Variants in CDH22 observed in about 807,000 individuals in gnomAD.
The protein encoded by CDH22 is cadherin 22.
CDH22 carries 30 observed loss-of-function variants against 58.4 expected under a neutral mutation model. The observed-to-expected ratio is 0.51, with a 90% CI of 0.38 to 0.70. CDH22 has a LOEUF of 0.70. Ranked by LOEUF, CDH22 falls within the 30% of genes least tolerant of loss-of-function variation. The probability of loss-of-function intolerance (pLI) is 0.00; values close to 1 mark genes in which losing one functional copy is unlikely to be tolerated. For missense variants in CDH22, 1,014 were observed against 1,233.9 expected, an observed-to-expected ratio of 0.82 and a Z score of 2.67; for synonymous variants, 513 against 558.2, an observed-to-expected ratio of 0.92 and a Z score of 1.14.
chr20:46,267,869 G>A (rs1274885485), intron 1 of CDH22, among the ~76,000 whole-genome samples: 1 of 152,260 alleles, frequency 6.6e-6, no homozygotes, highest in Non-Finnish European at 1.5e-5. Flanking sequence ...GCCTGCGGGA[G>A]GTTCACTGGG....
At chr20:46,244,627 G>T (rs185997161) in intron 2 of CDH22, among the ~76,000 whole-genome samples, 1 of 152,160 alleles carries the variant, frequency 6.6e-6, no homozygotes, top group Non-Finnish European at 1.5e-5. Context: ...GATGGCCCCC[G>T]GTCTGTTTGA....
intron 1 of CDH22, among the ~76,000 whole-genome samples, chr20:46,291,091 A>T (rs2145776581): frequency 6.6e-6 from 1 of 152,308 alleles, no homozygotes; most frequent in Middle Eastern, 3.4e-3. Flanking sequence ...AGCCTGGCCA[A>T]CATGGCGAAA....
intron 3 of CDH22, among the ~76,000 whole-genome samples, chr20:46,235,743 G>A (rs1006394415): frequency 6.6e-6 from 1 of 152,092 alleles, no homozygotes; most frequent in Non-Finnish European, 1.5e-5. Context: ...ATTCCATCTT[G>A]TCTCACCATC....
At chr20:46,307,776 G>A (rs1254281227) in intron 1 of CDH22, among the ~76,000 whole-genome samples, 3 of 152,116 alleles carry the variant, frequency 2.0e-5, no homozygotes, top group Admixed American at 1.3e-4. Flanking sequence ...TCCCGGCCCC[G>A]GACCCCGCCT....
rs560664737 is a variant in CDH22 at position 46,224,068 on chromosome 20, G to T, written c.670+3440C>A. Among the ~76,000 whole-genome samples, 6 of 152,212 alleles carry T rather than the reference G, an allele frequency of 3.9e-5. No homozygotes were observed. The East Asian group carries it at 1.2e-3, about 29-fold the overall frequency. ...GGGTTTCACCATGTTGGCCAGGCTG[G>T]TGTCAAACTCCTGGCCTCAAGTGAT... On this transcript the variant is annotated intron_variant, in intron 4 of 11. Coordinates refer to ENST00000537909, the MANE Select transcript of CDH22 (RefSeq NM_021248.3).
chr20:46,178,267 T>C, intron 10 of CDH22, 70 bp from the exon 11 acceptor site: 1 of 1,540,752 alleles, frequency 6.5e-7, no homozygotes, highest in Non-Finnish European at 8.8e-7. Flanking sequence ...AGCCACCTCC[T>C]GATTGCATCG....
chr20:46,248,902 A>G (rs1300882473), intron 2 of CDH22, among the ~76,000 whole-genome samples: 1 of 152,202 alleles, frequency 6.6e-6, no homozygotes, highest in Non-Finnish European at 1.5e-5. Context: ...CGCCCACTCT[A>G]TGACTTTGCC....
rs780843519 is a variant in CDH22, at chr20:46,178,142, G to A, written c.1719C>T (p.Asp573=). The change falls in exon 11 of 12, where the codon GAC becomes GAT. Residue 573 remains aspartate (D), a synonymous_variant. Coordinates refer to ENST00000537909, the MANE Select transcript of CDH22 (RefSeq NM_021248.3). ...CCACCAGGATGGGCAGGAAGAACAC[G>A]TCCTGCTCCTGCCGGTTGAAGCCCA... ...QHVGFNRQEQ[D]VFFLPILVVD... is the part of the protein sequence containing the mutation. The A allele has an allele frequency of 5.0e-6, 8 of 1,614,022 alleles. No homozygotes were observed. Among genetic ancestry groups the A allele is most frequent in the Non-Finnish European group, 5.1e-6 (6 of 1,179,962 alleles).
chr20:46,213,221 G>A (rs370407746), intron 5 of CDH22, 33 bp from the exon 6 acceptor site: 131 of 1,592,546 alleles, frequency 8.2e-5, no homozygotes, highest in Non-Finnish European at 1.1e-4. Flanking sequence ...CAGGGATGAA[G>A]GCAGCCCCTT....
chr20:46,280,913 A>G (rs1043114866), intron 1 of CDH22, among the ~76,000 whole-genome samples: 1 of 152,204 alleles, frequency 6.6e-6, no homozygotes, highest in Non-Finnish European at 1.5e-5. Flanking sequence ...ATGCTGTGTG[A>G]GCCACAGTGT....
chr20:46,306,698 G>C (rs1214821549), intron 1 of CDH22, among the ~76,000 whole-genome samples: 1 of 152,212 alleles, frequency 6.6e-6, no homozygotes, highest in Non-Finnish European at 1.5e-5. Context: ...GAAAAACTGA[G>C]GCAGACAGGA....
intron 1 of CDH22, among the ~76,000 whole-genome samples, chr20:46,257,907 G>C (rs1034290828): frequency 6.6e-6 from 1 of 152,132 alleles, no homozygotes; most frequent in Admixed American, 6.5e-5. Context: ...AGAAGGGGAG[G>C]AAAAGGGAGA....
At chr20:46,235,398 G>T (rs2145720405) in intron 3 of CDH22, among the ~76,000 whole-genome samples, 1 of 152,290 alleles carries the variant, frequency 6.6e-6, no homozygotes, top group Non-Finnish European at 1.5e-5. Flanking sequence ...GCAGCATCAA[G>T]CTGTAAATTC....
At position 46,210,568 on chromosome 20, in the gene CDH22, A is replaced by G; in HGVS notation, c.1033-8T>C. On this transcript the variant is annotated splice_region_variant and splice_polypyrimidine_tract_variant and intron_variant, in intron 6 of 11. Transcript: ENST00000537909. The surrounding 1 kb of genome is among the most constrained non-coding windows in gnomAD (Gnocchi z 4.5). ...GGATTCGAAGTCCAGGCGCTGCGGGAGGGAGCAGAGGGCCGGTTAGTGGGT... is the reference window on the plus strand; with the variant it reads ...GGATTCGAAGTCCAGGCGCTGCGGGGGGGAGCAGAGGGCCGGTTAGTGGGT... 1.4e-6 allele frequency: 2 copies of G among 1,425,880 alleles called. No individual in the cohort carries two copies. The highest frequency in any genetic ancestry group is 9.2e-7 in the Non-Finnish European group (1 of 1,086,540). 88.3% of individuals were successfully genotyped at this position (1,425,880 alleles called of 1,614,324 possible). A position where few individuals can be genotyped will look rare whatever the true frequency, so the allele number is the denominator to read the frequency against.
intron 1 of CDH22, among the ~76,000 whole-genome samples, chr20:46,302,261 C>T (rs1021305899): frequency 1.3e-5 from 2 of 152,286 alleles, no homozygotes; most frequent in East Asian, 1.9e-4. Context: ...GTTTGAGCTA[C>T]ATGAGTCTTT....
chr20:46,226,239 T>TTCTTCTTCTTCTTCTTCTTCTTCC (rs1555803530), intron 4 of CDH22, among the ~76,000 whole-genome samples: 3 of 7,974 alleles, frequency 3.8e-4, no homozygotes, highest in South Asian at 3.0e-3. Flanking sequence ...CACCTTCTTC[T>TTCTTCTTCTTCTTCTTCTTCTTCC]TCTTCTTCTT....
intron 6 of CDH22, 90 bp downstream of exon 6, chr20:46,212,905 G>T: frequency 9.8e-7 from 1 of 1,022,096 alleles, no homozygotes; most frequent in Non-Finnish European, 1.5e-6. Flanking sequence ...ATTGAGTGGA[G>T]TGAGGTGGGG....
At chr20:46,200,854 G>A (rs998145548) in intron 7 of CDH22, among the ~76,000 whole-genome samples, 3 of 152,152 alleles carry the variant, frequency 2.0e-5, no homozygotes, top group Non-Finnish European at 2.9e-5. Context: ...GCATTAGGAG[G>A]CTTCTCTGGG....
chr20:46,307,159 A>G (rs1245243155), intron 1 of CDH22, among the ~76,000 whole-genome samples: 5 of 152,198 alleles, frequency 3.3e-5, no homozygotes, highest in Admixed American at 6.5e-5. Context: ...TTTGGAGAGA[A>G]GAGGTTCCAA....
Sources: gnomAD v4.1 joint callset for allele counts (sites outside exome capture counted in the v4.1 genomes callset) on GRCh38, gnomAD v4.1.1 for gene constraint, Gnocchi (gnomAD v3.1) non-coding constraint, MANE v1.5 for transcripts, NCBI Gene and HGNC (gene_info 2026-07-23, HGNC 2026-07-21) for gene names.